Variants in BRIP1 observed in about 807,000 individuals in gnomAD.
BRIP1 encodes the protein Fanconi anemia group J protein.
A neutral mutation model predicts 119.7 loss-of-function variants in BRIP1; 88 were observed. That is an observed-to-expected ratio of 0.74 (90% CI 0.62 to 0.88). BRIP1 has a LOEUF of 0.88. Ranked by LOEUF, BRIP1 falls within the 40% of genes least tolerant of loss-of-function variation. BRIP1 has a pLI of 0.00. For missense variants in BRIP1, 1,259 were observed against 1,455.4 expected, an observed-to-expected ratio of 0.87 and a Z score of 2.20; for synonymous variants, 443 against 496.5, an observed-to-expected ratio of 0.89 and a Z score of 1.43.
chr17:61,748,894 T>C lies in BRIP1; in HGVS notation c.2098-4303A>G, dbSNP rs1479409377. On this transcript the variant is annotated intron_variant, in intron 14 of 19. Coordinates refer to ENST00000259008, the MANE Select transcript of BRIP1 (RefSeq NM_032043.3). This position sits in a 1 kb window ranked among gnomAD's most constrained non-coding sequence, Gnocchi z 4.7. ...GGCTCATGCCTGTAATCCCAGCACT[T>C]TGGGAGGCCAAGGCGGGCAGATCAC... is the stretch of plus-strand genomic sequence containing the variant. Among the ~76,000 whole-genome samples the C allele has an allele frequency of 6.6e-6, 1 of 152,222 alleles. No individual in the cohort carries two copies. Among genetic ancestry groups the C allele is most frequent in the Non-Finnish European group, 1.5e-5 (1 of 68,036 alleles).
At chr17:61,741,358 G>A (rs1240733227) in intron 16 of BRIP1, among the ~76,000 whole-genome samples, 1 of 152,168 alleles carries the variant, frequency 6.6e-6, no homozygotes, top group African/African-American at 2.4e-5. Context: ...CCAAACTCCT[G>A]TAAGTGTTGA....
chr17:61,801,770 T>C (rs1385637822), intron 7 of BRIP1, among the ~76,000 whole-genome samples: 1 of 152,194 alleles, frequency 6.6e-6, no homozygotes, highest in Non-Finnish European at 1.5e-5. Context: ...TTTTTTTTTC[T>C]GATTAAACTG....
chr17:61,799,814 T>C lies in BRIP1; in HGVS notation c.1141-515A>G, dbSNP rs142908329. Among the ~76,000 whole-genome samples, 202 of 152,244 alleles carry C rather than the reference T, an allele frequency of 1.3e-3. 1 individual carries two copies. Among genetic ancestry groups the C allele is most frequent in the African/African-American group, 4.7e-3 (195 of 41,542 alleles). ...ATAATATATATGTTTTGTTTTAATC[T>C]GTCCTGCAATCCTTCTCCAACATGG... On this transcript the variant is annotated intron_variant, in intron 8 of 19. Coordinates refer to ENST00000259008, the MANE Select transcript of BRIP1 (RefSeq NM_032043.3). This position sits in a 1 kb window ranked among gnomAD's most constrained non-coding sequence, Gnocchi z 5.1.
Position 61,769,586 on chromosome 17 carries a change from G to A in BRIP1, c.2097+6815C>T, listed in dbSNP as rs901179784. Reference sequence around the variant, plus strand: ...GAAACTCAGTAGCAAATTTATTTTTGCCAATTTTATTGGACTTCTGATTTC... The same window carrying A: ...GAAACTCAGTAGCAAATTTATTTTTACCAATTTTATTGGACTTCTGATTTC... On this transcript the variant is annotated intron_variant, in intron 14 of 19. Transcript: ENST00000259008. This position sits in a 1 kb window ranked among gnomAD's most constrained non-coding sequence, Gnocchi z 4.9. Among the ~76,000 whole-genome samples, 3 of 152,090 alleles carry A rather than the reference G, an allele frequency of 2.0e-5. No homozygotes were observed. Among genetic ancestry groups the A allele is most frequent in the African/African-American group, 7.2e-5 (3 of 41,414 alleles).
intron 18 of BRIP1, among the ~76,000 whole-genome samples, chr17:61,692,229 T>C (rs1237646399): frequency 3.3e-5 from 5 of 152,220 alleles, no homozygotes; most frequent in Non-Finnish European, 5.9e-5. Flanking sequence ...CTTTATAAAT[T>C]ATCCAGTCTT....
At position 61,825,986 on chromosome 17, in the gene BRIP1, T is replaced by C. The variant is rs1162618211; in HGVS notation, c.628-17229A>G. Among the ~76,000 whole-genome samples the C allele has an allele frequency of 2.0e-5, 3 of 152,202 alleles. No homozygotes were observed. Among genetic ancestry groups the C allele is most frequent in the African/African-American group, 7.2e-5 (3 of 41,444 alleles). ...AAGAACAAAGCTGGAGGCATCGCAC[T>C]ACCCAACTTCAAACTATACTACGTG... is the stretch of plus-strand genomic sequence containing the variant. On this transcript the variant is annotated intron_variant, in intron 6 of 19. Coordinates refer to ENST00000259008, the MANE Select transcript of BRIP1 (RefSeq NM_032043.3). This position sits in a 1 kb window ranked among gnomAD's most constrained non-coding sequence, Gnocchi z 4.1.
chr17:61,840,520 T>TA (rs2078643142), intron 6 of BRIP1, among the ~76,000 whole-genome samples: 1 of 152,192 alleles, frequency 6.6e-6, no homozygotes, highest in African/African-American at 2.4e-5. Flanking sequence ...CTCACACCTA[T>TA]AATCCTGGCA....
In BRIP1 at chr17:61,743,216, A is replaced by G; in HGVS notation, c.2258-82T>C. ...TTTTGAAAATACCTGATTTATAATT[A>G]TAGTAATTACAGTAGCAAATTTAAA... On this transcript the variant is annotated intron_variant, in intron 15 of 19. Transcript: ENST00000259008. This position sits in a 1 kb window ranked among gnomAD's most constrained non-coding sequence, Gnocchi z 4.3. 2 of 1,491,898 alleles carry G rather than the reference A, an allele frequency of 1.3e-6. No homozygotes were observed. Among genetic ancestry groups the G allele is most frequent in the Non-Finnish European group, 1.9e-6 (2 of 1,077,418 alleles). The allele number at this position is 1,491,898 out of a possible 1,614,324, so 92.4% of individuals were successfully genotyped here.
chr17:61,832,598 C>T lies in BRIP1; in HGVS notation c.627+14503G>A, dbSNP rs2078510513. On this transcript the variant is annotated intron_variant, in intron 6 of 19. Coordinates refer to ENST00000259008, the MANE Select transcript of BRIP1 (RefSeq NM_032043.3). The surrounding 1 kb of genome is among the most constrained non-coding windows in gnomAD (Gnocchi z 5.5). ...AAATAACCTCAGTCTAATGAGAAAA[C>T]CCAAATTAAGAGACATTCTAGATAA... 6.6e-6 allele frequency among the ~76,000 whole-genome samples: 1 copy of T among 152,052 alleles called. No homozygotes were observed. Among genetic ancestry groups the T allele is most frequent in the South Asian group, 2.1e-4 (1 of 4,832 alleles).
intron 16 of BRIP1, among the ~76,000 whole-genome samples, chr17:61,731,913 T>TA (rs11368734): frequency 0.58 from 80,605 of 138,158 alleles, 24,496 homozygotes; most frequent in Non-Finnish European, 0.69. Context: ...AGCCAGATAT[T>TA]AAAAAAAAAA....
rs930213240 is a variant in BRIP1, at chr17:61,720,990, C to T, written c.2380-4927G>A. ...CCAAGTAGCTGGGACTACAGGCGGC[C>T]GCCACCATGCCTAGCTAATTTTTGT... is the stretch of plus-strand genomic sequence containing the variant. On this transcript the variant is annotated intron_variant, in intron 16 of 19. Coordinates refer to ENST00000259008, the MANE Select transcript of BRIP1 (RefSeq NM_032043.3). The surrounding 1 kb of genome is among the most constrained non-coding windows in gnomAD (Gnocchi z 4.3). Among the ~76,000 whole-genome samples the T allele has an allele frequency of 4.0e-5, 6 of 151,320 alleles. No homozygotes were observed. The highest frequency in any genetic ancestry group is 9.7e-5 in the African/African-American group (4 of 41,238).
At chr17:61,787,977 C>T (rs933462303) in intron 10 of BRIP1, among the ~76,000 whole-genome samples, 56 of 152,026 alleles carry the variant, frequency 3.7e-4, no homozygotes, top group Admixed American at 3.5e-3. Context: ...TGATAAACAA[C>T]GCACTGGAAG....
At chr17:61,773,433 T>C (rs2077488019) in intron 14 of BRIP1, among the ~76,000 whole-genome samples, 1 of 152,136 alleles carries the variant, frequency 6.6e-6, no homozygotes, top group East Asian at 1.9e-4. Flanking sequence ...AAGACTTAAA[T>C]CTTAGACCTA....
At chr17:61,766,906 T>C (rs1453984614) in intron 14 of BRIP1, among the ~76,000 whole-genome samples, 1 of 152,110 alleles carries the variant, frequency 6.6e-6, no homozygotes, top group Non-Finnish European at 1.5e-5. Flanking sequence ...TCTCTGTCCA[T>C]ATAAAGAGTT....
At chr17:61,765,302 T>C (rs2077335148) in intron 14 of BRIP1, among the ~76,000 whole-genome samples, 2 of 141,734 alleles carry the variant, frequency 1.4e-5, no homozygotes. Context: ...TTAAAAATTA[T>C]AATACATATA....
intron 16 of BRIP1, among the ~76,000 whole-genome samples, chr17:61,721,366 TTCAAGA>T: frequency 6.7e-6 from 1 of 149,686 alleles, no homozygotes; most frequent in East Asian, 2.0e-4. Context: ...GCCTCCCAAG[TTCAAGA>T]GATTCTCCTG....
rs938787815 is a variant in BRIP1 at position 61,682,535 on chromosome 17, CTTAA to C, written c.*757_*760del. 17 of 196,854 alleles carry C rather than the reference CTTAA, an allele frequency of 8.6e-5. No individual in the cohort carries two copies. Among genetic ancestry groups the C allele is most frequent in the South Asian group, 1.9e-4 (1 of 5,206 alleles). 12.2% of individuals were successfully genotyped at this position (196,854 alleles called of 1,614,324 possible). A position where few individuals can be genotyped will look rare whatever the true frequency, so the allele number is the denominator to read the frequency against. On this transcript the variant is annotated 3_prime_UTR_variant, in exon 20 of 20. Coordinates refer to ENST00000259008, the MANE Select transcript of BRIP1 (RefSeq NM_032043.3). The surrounding 1 kb of genome is among the most constrained non-coding windows in gnomAD (Gnocchi z 4.9). ...AATGCATACTACTTTCTTAATTTCT[CTTAA>C]TTACTTATAAGTAGGCAGTTTAATA... is the stretch of plus-strand genomic sequence containing the variant.
chr17:61,701,032 CT>C lies in BRIP1; in HGVS notation c.2493-7521del, dbSNP rs1303671088. Among the ~76,000 whole-genome samples, 7 of 152,006 alleles carry C rather than the reference CT, an allele frequency of 4.6e-5. No homozygotes were observed. Among genetic ancestry groups the C allele is most frequent in the Non-Finnish European group, 8.8e-5 (6 of 68,002 alleles). ...AATTTTATCTCTTTATTGATATTCC[CT>C]ATTTAGTGAGGTGAGACATCATTCT... On this transcript the variant is annotated intron_variant, in intron 17 of 19. Coordinates refer to ENST00000259008, the MANE Select transcript of BRIP1 (RefSeq NM_032043.3). This position sits in a 1 kb window ranked among gnomAD's most constrained non-coding sequence, Gnocchi z 5.1.
At chr17:61,716,800 A>G in intron 16 of BRIP1, among the ~76,000 whole-genome samples, 1 of 151,458 alleles carries the variant, frequency 6.6e-6, no homozygotes, top group Non-Finnish European at 1.5e-5. Context: ...ACTACTGGAA[A>G]TAATATGCTT....
Sources: gnomAD v4.1 joint callset for allele counts (sites outside exome capture counted in the v4.1 genomes callset) on GRCh38, gnomAD v4.1.1 for gene constraint, Gnocchi (gnomAD v3.1) non-coding constraint, MANE v1.5 for transcripts, NCBI Gene and HGNC (gene_info 2026-07-23, HGNC 2026-07-21) for gene names.